SRGAP3: variants seen among roughly 807,000 people sequenced by gnomAD.
The protein encoded by SRGAP3 is SLIT-ROBO Rho GTPase-activating protein 3.
SRGAP3 carries 39 observed loss-of-function variants against 121.1 expected under a neutral mutation model. That is an observed-to-expected ratio of 0.32 (90% CI 0.25 to 0.42). SRGAP3 has a LOEUF of 0.42. Ranked by LOEUF, SRGAP3 falls within the 10% of genes least tolerant of loss-of-function variation. SRGAP3 has a pLI of 1.00. For synonymous variants in SRGAP3, 601 were observed against 570.0 expected, an observed-to-expected ratio of 1.05 and a Z score of -0.77; for missense variants, 1,213 against 1,470.6, an observed-to-expected ratio of 0.82 and a Z score of 2.86.
intron 1 of SRGAP3, among the ~76,000 whole-genome samples, chr3:9,243,648 A>AAGAG (rs533435777): frequency 1.3e-5 from 2 of 149,336 alleles, no homozygotes; most frequent in African/African-American, 2.5e-5. Context: ...AAAAAAAAAA[A>AAGAG]AGAGAGAGAG....
intron 3 of SRGAP3, among the ~76,000 whole-genome samples, chr3:9,259,101 C>T (rs1954197429): frequency 6.6e-6 from 1 of 152,208 alleles, no homozygotes. Context: ...GTGCTCCCAG[C>T]ACTTGCTATT....
chr3:9,290,893 G>C (rs1367029306), intron 3 of SRGAP3, among the ~76,000 whole-genome samples: 1 of 152,134 alleles, frequency 6.6e-6, no homozygotes, highest in African/African-American at 2.4e-5. Context: ...TATATATCTT[G>C]CTATAAGGAT....
chr3:9,277,513 C>T (rs141974931), intron 3 of SRGAP3, among the ~76,000 whole-genome samples: 9,314 of 147,182 alleles, frequency 0.063, 443 homozygotes, highest in Admixed American at 0.13. Flanking sequence ...GAGGCTGAGG[C>T]AGGAGAATTG....
intron 1 of SRGAP3, among the ~76,000 whole-genome samples, chr3:9,356,506 G>C (rs2030522991): frequency 6.6e-6 from 1 of 151,532 alleles, no homozygotes; most frequent in African/African-American, 2.4e-5. Context: ...CTGCGTAGCT[G>C]GGACTACAGG....
In SRGAP3 at chr3:9,313,941, C is replaced by T. The variant is rs778970880; in HGVS notation, n.442+12069G>A. 5.9e-5 allele frequency among the ~76,000 whole-genome samples: 9 copies of T among 152,160 alleles called. No homozygotes were observed. In the South Asian group the frequency reaches 6.2e-4, roughly 11 times the overall value. ...CCCGGAGGCAGAGGTTGCAGTGAGC[C>T]GAGATCGTGCCACTGCACTCCAGGC... On this transcript the variant is annotated intron_variant and non_coding_transcript_variant, in intron 3 of 3. Transcript: ENST00000490889.
intron 1 of SRGAP3, among the ~76,000 whole-genome samples, chr3:9,352,431 G>A (rs1334355839): frequency 6.6e-6 from 1 of 151,866 alleles, no homozygotes; most frequent in Non-Finnish European, 1.5e-5. Context: ...GCATCACTAC[G>A]CCTGGCTAAT....
chr3:9,017,001 C>T (rs1326379390), intron 14 of SRGAP3, among the ~76,000 whole-genome samples: 1 of 152,102 alleles, frequency 6.6e-6, no homozygotes, highest in Non-Finnish European at 1.5e-5. Flanking sequence ...TTAATGTGAC[C>T]TCCATTGAGC....
chr3:9,209,374 C>A (rs960718907), intron 1 of SRGAP3, among the ~76,000 whole-genome samples: 2 of 152,176 alleles, frequency 1.3e-5, no homozygotes, highest in Admixed American at 1.3e-4. Context: ...AGATCAACAA[C>A]CCAATACAAA....
At position 9,019,662 on chromosome 3, in the gene SRGAP3, C is replaced by T. The variant is rs745878557; in HGVS notation, c.1679-3931G>A. ...ACTCTGCTTCTGTGGAAAGTGAATA[C>T]ATGTCACTGCCAGAGCCTCCCTAGC... On this transcript the variant is annotated intron_variant, in intron 14 of 21. Transcript: ENST00000383836. 5.0e-4 allele frequency among the ~76,000 whole-genome samples: 76 copies of T among 152,252 alleles called. 1 individual carries two copies. The highest frequency in any genetic ancestry group is 8.5e-4 in the Non-Finnish European group (58 of 68,042).
At chr3:9,315,553 CAAT>C (rs1955329292) in intron 3 of SRGAP3, among the ~76,000 whole-genome samples, 3 of 152,282 alleles carry the variant, frequency 2.0e-5, no homozygotes, top group African/African-American at 7.2e-5. Flanking sequence ...GGATGGGAGA[CAAT>C]AACCTCTTAC....
chr3:9,183,942 C>T (rs1393486259), intron 1 of SRGAP3, among the ~76,000 whole-genome samples: 1 of 152,110 alleles, frequency 6.6e-6, no homozygotes, highest in Non-Finnish European at 1.5e-5. Flanking sequence ...AGCAGCGACT[C>T]CAGCCCTTCC....
At chr3:9,064,225 A>G (rs1301797573) in intron 5 of SRGAP3, among the ~76,000 whole-genome samples, 171 bp downstream of exon 5, 1 of 152,182 alleles carries the variant, frequency 6.6e-6, no homozygotes, top group African/African-American at 2.4e-5. Context: ...CCACTAGGAC[A>G]CCGATCTCCA....
At position 9,322,734 on chromosome 3, in the gene SRGAP3, A is replaced by C. The variant is rs1955458205; in HGVS notation, n.442+3276T>G. Among the ~76,000 whole-genome samples the C allele has an allele frequency of 2.0e-5, 3 of 151,930 alleles. No individual in the cohort carries two copies. The South Asian group carries it at 6.2e-4, about 32-fold the overall frequency. The stretch of plus-strand genomic sequence containing the variant: ...ACCGTCCATGGAAATTGTCTTCCAC[A>C]AAACGAGTCCCTGGTACCAAAAAGG... On this transcript the variant is annotated intron_variant and non_coding_transcript_variant, in intron 3 of 3. Coordinates refer to the SRGAP3 transcript ENST00000490889.
intron 3 of SRGAP3, among the ~76,000 whole-genome samples, chr3:9,255,543 C>T (rs968389818): frequency 2.6e-5 from 4 of 152,200 alleles, no homozygotes; most frequent in Non-Finnish European, 5.9e-5. Flanking sequence ...GGTCAGCTGG[C>T]CCCTGCTGGG....
At chr3:9,202,801 A>G (rs1466394954) in intron 1 of SRGAP3, among the ~76,000 whole-genome samples, 1 of 152,226 alleles carries the variant, frequency 6.6e-6, no homozygotes, top group Non-Finnish European at 1.5e-5. Flanking sequence ...GGAGGGCAAG[A>G]CCATTTCCCC....
intron 1 of SRGAP3, among the ~76,000 whole-genome samples, chr3:9,146,485 AG>A (rs1342678148): frequency 3.9e-5 from 6 of 152,246 alleles, no homozygotes; most frequent in Admixed American, 6.5e-5. Flanking sequence ...ATTAATGAAA[AG>A]GAAGCCAGTC....
At chr3:9,064,914 G>A (rs754546584) in intron 4 of SRGAP3, among the ~76,000 whole-genome samples, 4 of 151,866 alleles carry the variant, frequency 2.6e-5, no homozygotes, top group Admixed American at 6.6e-5. Flanking sequence ...AAGGGTAACC[G>A]TAGCTCCAAG....
chr3:9,071,568 G>A (rs1946716662), intron 4 of SRGAP3, among the ~76,000 whole-genome samples: 1 of 152,098 alleles, frequency 6.6e-6, no homozygotes, highest in East Asian at 1.9e-4. Context: ...CCACATGGGA[G>A]AAGCCTGCCA....
At chr3:9,149,653 GA>G (rs1176506710) in intron 1 of SRGAP3, among the ~76,000 whole-genome samples, 1 of 152,172 alleles carries the variant, frequency 6.6e-6, no homozygotes, top group Non-Finnish European at 1.5e-5. Context: ...GAGGGTGAGG[GA>G]AAAAGCAGTG....
Sources: allele counts gnomAD v4.1 joint callset (sites outside exome capture counted in the v4.1 genomes callset), GRCh38; gene constraint gnomAD v4.1.1; transcripts MANE v1.5; gene names NCBI Gene and HGNC (gene_info 2026-07-23, HGNC 2026-07-21).